NMNAT2: variants seen among roughly 807,000 people sequenced by gnomAD.
NMNAT2 encodes nicotinamide nucleotide adenylyltransferase 2.
NMNAT2 carries 11 observed loss-of-function variants against 41.6 expected under a neutral mutation model. The ratio of observed to expected loss-of-function variants is 0.26; its 90% CI spans 0.17 to 0.44. The LOEUF is 0.44. Ranked by LOEUF, NMNAT2 falls within the 20% of genes least tolerant of loss-of-function variation. The probability of loss-of-function intolerance (pLI) is 1.00; values close to 1 mark genes in which losing one functional copy is unlikely to be tolerated. For missense variants in NMNAT2, 288 were observed against 407.7 expected, an observed-to-expected ratio of 0.71 and a Z score of 2.53; for synonymous variants, 148 against 151.2, an observed-to-expected ratio of 0.98 and a Z score of 0.16.
intron 1 of NMNAT2, among the ~76,000 whole-genome samples, chr1:183,352,891 T>C (rs575807073): frequency 9.2e-4 from 140 of 152,348 alleles, no homozygotes; most frequent in Non-Finnish European, 1.7e-3. Flanking sequence ...ATTCTCTGAC[T>C]GCTGCTGAGA....
chr1:183,292,654 C>G lies in NMNAT2; in HGVS notation c.242+136G>C, dbSNP rs1424708919. 12 of 762,304 alleles carry G rather than the reference C, an allele frequency of 1.6e-5. No homozygotes were observed. In the East Asian group the frequency reaches 3.0e-4, roughly 19 times the overall value. 47.2% of individuals were successfully genotyped at this position (762,304 alleles called of 1,614,324 possible). A position where few individuals can be genotyped will look rare whatever the true frequency, so the allele number is the denominator to read the frequency against. On this transcript the variant is annotated intron_variant, in intron 3 of 10. Transcript: ENST00000287713. ...ATCCCTGGAGGTCTACTTATTGCCTCCACAAGGCTAATATCTTGCCCCTGC... is the reference window on the plus strand; with the variant it reads ...ATCCCTGGAGGTCTACTTATTGCCTGCACAAGGCTAATATCTTGCCCCTGC...
chr1:183,311,053 A>T (rs1313591378), intron 1 of NMNAT2, among the ~76,000 whole-genome samples: 2 of 152,100 alleles, frequency 1.3e-5, no homozygotes, highest in Non-Finnish European at 2.9e-5. Flanking sequence ...GCTTATGGAG[A>T]TTTGCCCCTG....
intron 1 of NMNAT2, among the ~76,000 whole-genome samples, chr1:183,358,074 A>AAT (rs1381226593): frequency 6.6e-6 from 1 of 152,210 alleles, no homozygotes; most frequent in East Asian, 1.9e-4. Flanking sequence ...TACACCATGG[A>AAT]ATACTATGCA....
chr1:183,337,755 T>A (rs1308515302), intron 1 of NMNAT2, among the ~76,000 whole-genome samples: 1 of 152,094 alleles, frequency 6.6e-6, no homozygotes, highest in Non-Finnish European at 1.5e-5. Context: ...TTAGATACCT[T>A]TTGCCATCAA....
intron 1 of NMNAT2, among the ~76,000 whole-genome samples, chr1:183,370,478 A>G (rs1663511450): frequency 6.6e-6 from 1 of 152,204 alleles, no homozygotes; most frequent in African/African-American, 2.4e-5. Flanking sequence ...AGAGTGTCTG[A>G]CAGACAGCAG....
chr1:183,324,929 T>G (rs992589936), intron 1 of NMNAT2, among the ~76,000 whole-genome samples: 7 of 152,166 alleles, frequency 4.6e-5, no homozygotes, highest in African/African-American at 1.7e-4. Flanking sequence ...CAATGTTTGT[T>G]GAATGAATGG....
rs548337017 is a variant in NMNAT2, at chr1:183,307,833, C to T, written c.86-14040G>A. Reference sequence around the variant, plus strand: ...CTGACTTCAGGTGATCTGCACGCCTCGTCCTCCCAGAGTGCTGGGATTACA... The same window carrying T: ...CTGACTTCAGGTGATCTGCACGCCTTGTCCTCCCAGAGTGCTGGGATTACA... On this transcript the variant is annotated intron_variant, in intron 1 of 10. Transcript: ENST00000287713. Among the ~76,000 whole-genome samples the T allele has an allele frequency of 3.5e-4, 53 of 152,318 alleles. 1 individual carries two copies. The highest frequency in any genetic ancestry group is 1.2e-3 in the African/African-American group (51 of 41,564).
At chr1:183,266,177 T>C (rs1378294986) in intron 8 of NMNAT2, among the ~76,000 whole-genome samples, 1 of 152,198 alleles carries the variant, frequency 6.6e-6, no homozygotes, top group Non-Finnish European at 1.5e-5. Flanking sequence ...AGAATACATA[T>C]GTGTTATCCT....
At chr1:183,274,643 A>C (rs1661077561) in intron 8 of NMNAT2, among the ~76,000 whole-genome samples, 2 of 151,622 alleles carry the variant, frequency 1.3e-5, no homozygotes, top group South Asian at 4.2e-4. Flanking sequence ...TCATTGAAGA[A>C]ATTTTGAACC....
intron 1 of NMNAT2, among the ~76,000 whole-genome samples, chr1:183,327,854 C>T (rs1032818335): frequency 1.3e-5 from 2 of 152,140 alleles, no homozygotes; most frequent in African/African-American, 2.4e-5. Flanking sequence ...GAAGCTACTG[C>T]TTTCCCTCCC....
chr1:183,372,445 G>A (rs1663570447), intron 1 of NMNAT2, among the ~76,000 whole-genome samples: 1 of 152,134 alleles, frequency 6.6e-6, no homozygotes, highest in African/African-American at 2.4e-5. Context: ...AAGACACCAA[G>A]ACAGAGCCAG....
intron 1 of NMNAT2, among the ~76,000 whole-genome samples, chr1:183,328,138 G>A (rs1445669946): frequency 6.6e-6 from 1 of 152,096 alleles, no homozygotes; most frequent in African/African-American, 2.4e-5. Context: ...TATTGCAGCT[G>A]GACTCCAGCC....
chr1:183,350,332 C>T (rs1663019444), intron 1 of NMNAT2, among the ~76,000 whole-genome samples: 1 of 152,068 alleles, frequency 6.6e-6, no homozygotes, highest in South Asian at 2.1e-4. Context: ...TCCTGGTCAA[C>T]CCCTGTTAAT....
At chr1:183,267,614 G>T (rs12061440) in intron 8 of NMNAT2, among the ~76,000 whole-genome samples, 13 of 152,046 alleles carry the variant, frequency 8.6e-5, no homozygotes, top group Admixed American at 6.5e-5. Flanking sequence ...CCTGGGGAGT[G>T]GGGGGGTGTA....
intron 10 of NMNAT2, among the ~76,000 whole-genome samples, chr1:183,259,576 T>C (rs138511163): frequency 2.9e-3 from 446 of 152,294 alleles, no homozygotes; most frequent in Non-Finnish European, 4.6e-3. Context: ...CTTGACTCTT[T>C]CTGTGAGCTT....
At chr1:183,378,735 A>G (rs1045065207) in intron 1 of NMNAT2, among the ~76,000 whole-genome samples, 9 of 152,114 alleles carry the variant, frequency 5.9e-5, no homozygotes, top group Non-Finnish European at 1.3e-4. Context: ...TGAATGGTCT[A>G]AACACACCAG....
intron 1 of NMNAT2, among the ~76,000 whole-genome samples, chr1:183,318,614 C>G (rs984048884): frequency 6.6e-6 from 1 of 152,142 alleles, no homozygotes; most frequent in Non-Finnish European, 1.5e-5. Flanking sequence ...GAGGCCAGGA[C>G]AGAATCATTG....
At chr1:183,416,095 CAT>C (rs2101934855) in intron 1 of NMNAT2, among the ~76,000 whole-genome samples, 1 of 152,352 alleles carries the variant, frequency 6.6e-6, no homozygotes, top group South Asian at 2.1e-4. Context: ...TCTATTTCCA[CAT>C]AGTCTATCCT....
intron 1 of NMNAT2, among the ~76,000 whole-genome samples, chr1:183,302,041 A>T (rs1267548457): frequency 1.3e-5 from 2 of 152,208 alleles, no homozygotes; most frequent in East Asian, 3.8e-4. Context: ...CAAGTGCTGG[A>T]TGATAAAGGA....
Sources: gnomAD v4.1 joint callset for allele counts (sites outside exome capture counted in the v4.1 genomes callset) on GRCh38, gnomAD v4.1.1 for gene constraint, MANE v1.5 for transcripts, NCBI Gene and HGNC (gene_info 2026-07-23, HGNC 2026-07-21) for gene names.